KIRREL3: variants seen among roughly 807,000 people sequenced by gnomAD.
KIRREL3 encodes kin of IRRE-like protein 3.
Under a neutral mutation model 89.7 loss-of-function variants are expected in KIRREL3, and 36 were observed. That is an observed-to-expected ratio of 0.40 (90% CI 0.31 to 0.53). KIRREL3 has a LOEUF of 0.53. Ranked by LOEUF, KIRREL3 falls within the 20% of genes least tolerant of loss-of-function variation. The pLI is 0.49. For synonymous variants in KIRREL3, 445 were observed against 441.4 expected (o/e 1.01, Z -0.10); for missense variants, 864 against 1,056.6 (o/e 0.82, Z 2.53).
At chr11:126,442,476 G>T (rs1163033511) in intron 10 of KIRREL3, among the ~76,000 whole-genome samples, 1 of 152,168 alleles carries the variant, frequency 6.6e-6, no homozygotes, top group Non-Finnish European at 1.5e-5. Flanking sequence ...AAAGGGAAAT[G>T]GGGTGAGGGT....
chr11:126,459,128 C>T lies in KIRREL3; in HGVS notation c.743-2674G>A, dbSNP rs572427587. Among the ~76,000 whole-genome samples, 26 of 152,204 alleles carry T rather than the reference C, an allele frequency of 1.7e-4. No homozygotes were observed. The highest frequency in any genetic ancestry group is 5.1e-4 in the African/African-American group (21 of 41,524). On this transcript the variant is annotated intron_variant, in intron 6 of 16. Coordinates refer to ENST00000525144, the MANE Select transcript of KIRREL3 (RefSeq NM_032531.4). This position sits in a 1 kb window ranked among gnomAD's most constrained non-coding sequence, Gnocchi z 4.8. ...CGCATTATAAAGGCCAACGCTGGGA[C>T]GTGAGTACCCACCCCAAGTCTGGTT...
chr11:126,647,439 C>T lies in KIRREL3; in HGVS notation c.56-84527G>A, dbSNP rs1944732321. On this transcript the variant is annotated intron_variant, in intron 1 of 16. Transcript: ENST00000525144. The surrounding 1 kb of genome is among the most constrained non-coding windows in gnomAD (Gnocchi z 4.9). The stretch of plus-strand genomic sequence containing the variant: ...CTTTCCCTCTAATCAAATTCAACCC[C>T]ACCCCTCTCACCAGGGTCCAAGTTA... Among the ~76,000 whole-genome samples the T allele has an allele frequency of 6.6e-6, 1 of 152,184 alleles. No homozygotes were observed. Among genetic ancestry groups the T allele is most frequent in the Admixed American group, 6.5e-5 (1 of 15,282 alleles).
intron 1 of KIRREL3, among the ~76,000 whole-genome samples, chr11:126,848,999 C>T (rs1437965644): frequency 3.9e-5 from 6 of 152,204 alleles, no homozygotes; most frequent in Non-Finnish European, 8.8e-5. Context: ...AACAGAGCCA[C>T]TCCATCTTGA....
Position 126,940,983 on chromosome 11 carries a change from C to T in KIRREL3, c.55+59472G>A, listed in dbSNP as rs1948423514. ...TGGGTTTTGCTATTACTAGTTGTCT[C>T]ACTTATCCAGATAATTACCTAGCTT... On this transcript the variant is annotated intron_variant, in intron 1 of 16. Transcript: ENST00000525144. This position sits in a 1 kb window ranked among gnomAD's most constrained non-coding sequence, Gnocchi z 4.6. 2 of 152,164 alleles carry T rather than the reference C, an allele frequency of 1.3e-5. No homozygotes were observed. Among genetic ancestry groups the T allele is most frequent in the Admixed American group, 1.3e-4 (2 of 15,284 alleles). 9.4% of individuals were successfully genotyped at this position (152,164 alleles called of 1,614,324 possible). A position where few individuals can be genotyped will look rare whatever the true frequency, so the allele number is the denominator to read the frequency against.
Position 126,431,181 on chromosome 11 carries a change from C to A in KIRREL3, c.1696+238G>T. ...GTGTTCAATCCAAAATGCTGGCTGC[C>A]CTGCAGATGAAGTTCAGTCTAGTCC... On this transcript the variant is annotated intron_variant, in intron 14 of 16. Transcript: ENST00000525144. The surrounding 1 kb of genome is among the most constrained non-coding windows in gnomAD (Gnocchi z 7.1). The A allele has an allele frequency of 6.9e-7, 1 of 1,457,362 alleles. No homozygotes were observed. The highest frequency in any genetic ancestry group is 9.1e-7 in the Non-Finnish European group (1 of 1,104,056). The allele number at this position is 1,457,362 out of a possible 1,614,324, so 90.3% of individuals were successfully genotyped here. A position where few individuals can be genotyped will look rare whatever the true frequency, so the allele number is the denominator to read the frequency against.
intron 4 of KIRREL3, among the ~76,000 whole-genome samples, chr11:126,500,981 G>A (rs113308829): frequency 3.3e-5 from 5 of 152,144 alleles, no homozygotes; most frequent in Non-Finnish European, 5.9e-5. Context: ...ATCTGCATGC[G>A]GATCCCAAAT....
Position 126,491,517 on chromosome 11 carries a change from C to T in KIRREL3, c.434-18051G>A, listed in dbSNP as rs112745950. Reference sequence around the variant, plus strand: ...TTGGACTCCAGTGTTGTCTGTCCCCCGAGTCGAGGTCTGGGGCAGGTAAGG... The same window carrying T: ...TTGGACTCCAGTGTTGTCTGTCCCCTGAGTCGAGGTCTGGGGCAGGTAAGG... On this transcript the variant is annotated intron_variant, in intron 4 of 16. Coordinates refer to ENST00000525144, the MANE Select transcript of KIRREL3 (RefSeq NM_032531.4). The surrounding 1 kb of genome is among the most constrained non-coding windows in gnomAD (Gnocchi z 5.5). Among the ~76,000 whole-genome samples, 1,132 of 152,126 alleles carry T rather than the reference C, an allele frequency of 7.4e-3. 11 individuals are homozygous for T. Among genetic ancestry groups the T allele is most frequent in the African/African-American group, 0.024 (979 of 41,484 alleles).
In KIRREL3 at chr11:126,551,034, T is replaced by G. The variant is rs907911946; in HGVS notation, c.133+11801A>C. On this transcript the variant is annotated intron_variant, in intron 2 of 16. Transcript: ENST00000525144. This position sits in a 1 kb window ranked among gnomAD's most constrained non-coding sequence, Gnocchi z 4.9. ...ACCTTCTGTTTGGGTTTGATTAATTTGCTAGAGTGGCACGAAGACCTCAGG... is the reference window on the plus strand; with the variant it reads ...ACCTTCTGTTTGGGTTTGATTAATTGGCTAGAGTGGCACGAAGACCTCAGG... 5.3e-5 allele frequency among the ~76,000 whole-genome samples: 8 copies of G among 152,186 alleles called. No individual in the cohort carries two copies. Among genetic ancestry groups the G allele is most frequent in the African/African-American group, 1.9e-4 (8 of 41,444 alleles).
Position 126,623,665 on chromosome 11 carries a change from G to A in KIRREL3, c.56-60753C>T, listed in dbSNP as rs1323068686. On this transcript the variant is annotated intron_variant, in intron 1 of 16. Coordinates refer to ENST00000525144, the MANE Select transcript of KIRREL3 (RefSeq NM_032531.4). This position sits in a 1 kb window ranked among gnomAD's most constrained non-coding sequence, Gnocchi z 4.1. The stretch of plus-strand genomic sequence containing the variant: ...TGTGGTCAGGACCAGGTTGTGTGCA[G>A]GGCAGCTCTGATTGCTTTCTTAGCA... 6.6e-6 allele frequency among the ~76,000 whole-genome samples: 1 copy of A among 152,118 alleles called. No individual in the cohort carries two copies. Among genetic ancestry groups the A allele is most frequent in the Non-Finnish European group, 1.5e-5 (1 of 68,020 alleles).
At chr11:126,478,979 G>GAAGCC (rs1957154514) in intron 4 of KIRREL3, among the ~76,000 whole-genome samples, 1 of 152,216 alleles carries the variant, frequency 6.6e-6, no homozygotes, top group Non-Finnish European at 1.5e-5. Context: ...GGGGGGCTTG[G>GAAGCC]TGCTGGGAGC....
chr11:126,649,211 G>A (rs1488675028), intron 1 of KIRREL3, among the ~76,000 whole-genome samples: 1 of 152,166 alleles, frequency 6.6e-6, no homozygotes, highest in Non-Finnish European at 1.5e-5. Context: ...AATTATTGGA[G>A]TATAATTCAA....
intron 1 of KIRREL3, among the ~76,000 whole-genome samples, chr11:126,637,512 C>T (rs770204255): frequency 2.0e-5 from 3 of 152,142 alleles, no homozygotes; most frequent in Non-Finnish European, 4.4e-5. Context: ...TTGTCCAGAA[C>T]CCTGGTGGGC....
rs1949304411 is a variant in KIRREL3, at chr11:126,750,625, G to A, written c.56-187713C>T. ...GTTTAGTGGGAAAGAATCAACCTGT[G>A]TTGCCAATCATTCTGCTGTGTGATT... On this transcript the variant is annotated intron_variant, in intron 1 of 16. Coordinates refer to ENST00000525144, the MANE Select transcript of KIRREL3 (RefSeq NM_032531.4). This position sits in a 1 kb window ranked among gnomAD's most constrained non-coding sequence, Gnocchi z 4.2. Among the ~76,000 whole-genome samples the A allele has an allele frequency of 6.6e-6, 1 of 152,212 alleles. No individual in the cohort carries two copies. The highest frequency in any genetic ancestry group is 1.5e-5 in the Non-Finnish European group (1 of 68,044).
At chr11:126,884,456 C>G (rs561622731) in intron 1 of KIRREL3, among the ~76,000 whole-genome samples, 23 of 152,312 alleles carry the variant, frequency 1.5e-4, no homozygotes, top group African/African-American at 5.5e-4. Context: ...AAAGTTCAAG[C>G]ACAGAGAGAA....
chr11:126,945,795 G>A (rs753554806), intron 1 of KIRREL3, among the ~76,000 whole-genome samples: 4 of 152,164 alleles, frequency 2.6e-5, no homozygotes, highest in Admixed American at 1.3e-4. Flanking sequence ...TAAAGTCTGC[G>A]TTTTCCAAGC....
chr11:126,881,315 T>A (rs1945484292), intron 1 of KIRREL3, among the ~76,000 whole-genome samples: 1 of 152,180 alleles, frequency 6.6e-6, no homozygotes, highest in African/African-American at 2.4e-5. Flanking sequence ...TCTCCCCACG[T>A]TCCTTCAGAT....
intron 4 of KIRREL3, among the ~76,000 whole-genome samples, chr11:126,500,141 T>C (rs1957808715): frequency 6.6e-6 from 1 of 152,210 alleles, no homozygotes; most frequent in Non-Finnish European, 1.5e-5. Flanking sequence ...CCTGTCTTTA[T>C]TATTAGATGC....
At position 126,443,399 on chromosome 11, in the gene KIRREL3, T is replaced by A. The variant is rs1340670095; in HGVS notation, c.1252+1580A>T. 6.6e-6 allele frequency among the ~76,000 whole-genome samples: 1 copy of A among 152,166 alleles called. No homozygotes were observed. On this transcript the variant is annotated intron_variant, in intron 10 of 16. Transcript: ENST00000525144. The surrounding 1 kb of genome is among the most constrained non-coding windows in gnomAD (Gnocchi z 7.3). ...GCTGCAGCCTGTGTTGCCATGGATATACGGAGGCGCGATCAGATGCTGTTA... is the reference window on the plus strand; with the variant it reads ...GCTGCAGCCTGTGTTGCCATGGATAAACGGAGGCGCGATCAGATGCTGTTA...
chr11:126,820,486 T>A (rs763116452), intron 1 of KIRREL3, among the ~76,000 whole-genome samples: 3 of 152,124 alleles, frequency 2.0e-5, no homozygotes, highest in Non-Finnish European at 2.9e-5. Context: ...TTATAATCTA[T>A]CCTGGGGAAA....
Sources: gnomAD v4.1 joint callset for allele counts (sites outside exome capture counted in the v4.1 genomes callset) on GRCh38, gnomAD v4.1.1 for gene constraint, Gnocchi (gnomAD v3.1) non-coding constraint, MANE v1.5 for transcripts, NCBI Gene and HGNC (gene_info 2026-07-23, HGNC 2026-07-21) for gene names.